CDK14: variants seen among roughly 807,000 people sequenced by gnomAD.
The protein encoded by CDK14 is cyclin dependent kinase 14, also known as cyclin-dependent kinase 14.
Under a neutral mutation model 60.7 loss-of-function variants are expected in CDK14, and 34 were observed. The observed-to-expected ratio is 0.56, with a 90% CI of 0.43 to 0.75. The LOEUF is 0.75. Ranked by LOEUF, CDK14 falls within the 30% of genes least tolerant of loss-of-function variation. The pLI, the probability that CDK14 is intolerant of heterozygous loss-of-function variation, is 0.00. For missense variants in CDK14, 482 were observed against 564.1 expected, an observed-to-expected ratio of 0.85 and a Z score of 1.47; for synonymous variants, 197 against 203.7, an observed-to-expected ratio of 0.97 and a Z score of 0.28.
intron 4 of CDK14, among the ~76,000 whole-genome samples, chr7:90,757,717 C>T (rs924387394): frequency 2.6e-5 from 4 of 151,986 alleles, no homozygotes; most frequent in Admixed American, 1.3e-4. Flanking sequence ...TCTCATGCCT[C>T]AGCACCCCCG....
intron 14 of CDK14, among the ~76,000 whole-genome samples, chr7:91,138,200 A>G (rs1395405783): frequency 6.6e-6 from 1 of 152,196 alleles, no homozygotes; most frequent in Non-Finnish European, 1.5e-5. Flanking sequence ...AGCTGTGGGG[A>G]TATAATTGCT....
intron 5 of CDK14, among the ~76,000 whole-genome samples, chr7:90,828,259 A>G (rs921751916): frequency 2.0e-5 from 3 of 152,222 alleles, no homozygotes; most frequent in African/African-American, 7.2e-5. Flanking sequence ...CTTACCAGCC[A>G]GTGATCTGAG....
intron 6 of CDK14, among the ~76,000 whole-genome samples, chr7:90,869,248 A>C (rs148259741): frequency 5.2e-4 from 79 of 152,332 alleles, no homozygotes; most frequent in Middle Eastern, 3.4e-3. Flanking sequence ...GCACACATGC[A>C]ACTTTAATTG....
chr7:91,014,480 C>T (rs1796247385), intron 10 of CDK14, among the ~76,000 whole-genome samples: 1 of 152,006 alleles, frequency 6.6e-6, no homozygotes, highest in South Asian at 2.1e-4. Flanking sequence ...GTTCTTTTTC[C>T]AAGAGTTTTA....
intron 14 of CDK14, among the ~76,000 whole-genome samples, chr7:91,195,080 A>AT (rs1802491197): frequency 6.6e-6 from 1 of 152,168 alleles, no homozygotes; most frequent in Non-Finnish European, 1.5e-5. Context: ...TGACACTTTA[A>AT]TTGTTTTATA....
intron 8 of CDK14, among the ~76,000 whole-genome samples, chr7:90,941,809 A>T (rs1245326499): frequency 2.6e-5 from 4 of 152,106 alleles, no homozygotes; most frequent in African/African-American, 7.2e-5. Flanking sequence ...TGTCTGAAGC[A>T]GGTGCCTCAT....
intron 2 of CDK14, chr7:90,726,198 G>GT: frequency 2.2e-6 from 1 of 448,438 alleles, no homozygotes; most frequent in Non-Finnish European, 2.9e-6. Flanking sequence ...CCTATTTTTT[G>GT]TTTTTTAAAT....
chr7:91,107,502 A>G (rs1221629367), intron 12 of CDK14: 1 of 152,222 alleles, frequency 6.6e-6, no homozygotes, highest in Non-Finnish European at 1.5e-5. Context: ...GTACACTGCC[A>G]TTTATCCAAG....
At chr7:90,888,468 A>G (rs1324773305) in intron 6 of CDK14, among the ~76,000 whole-genome samples, 1 of 152,156 alleles carries the variant, frequency 6.6e-6, no homozygotes, top group Non-Finnish European at 1.5e-5. Flanking sequence ...AGACTCTATT[A>G]TTCACCCCTG....
chr7:90,668,982 T>C (rs2157724), intron 2 of CDK14, among the ~76,000 whole-genome samples: 131,743 of 151,970 alleles, frequency 0.87, 57,351 homozygotes, highest in East Asian at 1. Context: ...CCTCCCATGC[T>C]TAGGATTACA....
intron 4 of CDK14, among the ~76,000 whole-genome samples, chr7:90,756,885 A>C (rs1804082752): frequency 6.6e-6 from 1 of 152,130 alleles, no homozygotes; most frequent in Admixed American, 6.5e-5. Flanking sequence ...TGTGATTTTC[A>C]GTTTGTGAGC....
chr7:91,109,637 CTT>C (rs1799417318), intron 12 of CDK14, among the ~76,000 whole-genome samples: 1 of 152,034 alleles, frequency 6.6e-6, no homozygotes, highest in Non-Finnish European at 1.5e-5. Flanking sequence ...ATGGACTAAA[CTT>C]TCTCCTTGAG....
At chr7:90,949,853 T>C (rs559402008) in intron 8 of CDK14, among the ~76,000 whole-genome samples, 7 of 152,236 alleles carry the variant, frequency 4.6e-5, no homozygotes, top group African/African-American at 1.4e-4. Flanking sequence ...AACAACACCA[T>C]AGGATGGCAA....
At chr7:90,669,682 T>G (rs1194231523) in intron 2 of CDK14, among the ~76,000 whole-genome samples, 1 of 152,172 alleles carries the variant, frequency 6.6e-6, no homozygotes, top group African/African-American at 2.4e-5. Flanking sequence ...CTGGACCTTT[T>G]AGATACATGA....
rs1755541213 is a variant in CDK14, at chr7:90,709,635, A to C, written c.124-16932A>C. 4 of 1,609,286 alleles carry C rather than the reference A, an allele frequency of 2.5e-6. No homozygotes were observed. The South Asian group carries it at 4.4e-5, about 18-fold the overall frequency. On this transcript the variant is annotated intron_variant, in intron 2 of 14. Transcript: ENST00000380050. ...GGCAAGTCCATCGTGTTTGGAAAAAAAAATTAGATTTTTTGGAGAAAATAA... is the reference window on the plus strand; with the variant it reads ...GGCAAGTCCATCGTGTTTGGAAAAACAAATTAGATTTTTTGGAGAAAATAA...
intron 14 of CDK14, among the ~76,000 whole-genome samples, chr7:91,129,087 A>G (rs995593265): frequency 2.6e-5 from 4 of 152,314 alleles, no homozygotes; most frequent in South Asian, 4.1e-4. Context: ...TTATGTCAGC[A>G]GATCTCAAAG....
At chr7:90,992,416 T>G (rs1299605411) in intron 10 of CDK14, among the ~76,000 whole-genome samples, 1 of 152,234 alleles carries the variant, frequency 6.6e-6, no homozygotes, top group Non-Finnish European at 1.5e-5. Flanking sequence ...ATTTATTACG[T>G]GCTTACTCTG....
chr7:91,173,890 G>A (rs1276078981), intron 14 of CDK14, among the ~76,000 whole-genome samples: 10 of 152,218 alleles, frequency 6.6e-5, no homozygotes, highest in African/African-American at 9.6e-5. Flanking sequence ...AGGGGCACCC[G>A]CCATTGCACA....
intron 2 of CDK14, among the ~76,000 whole-genome samples, chr7:90,699,537 A>T (rs949801143): frequency 6.6e-6 from 1 of 152,294 alleles, no homozygotes; most frequent in South Asian, 2.1e-4. Flanking sequence ...CATTATTCTT[A>T]ATCTAGCTGT....
Sources: gnomAD v4.1 joint callset for allele counts (sites outside exome capture counted in the v4.1 genomes callset) on GRCh38, gnomAD v4.1.1 for gene constraint, MANE v1.5 for transcripts, NCBI Gene and HGNC (gene_info 2026-07-23, HGNC 2026-07-21) for gene names.